The following FAM151B variants were observed in gnomAD, a reference collection of about 807,000 sequenced individuals.
FAM151B encodes the protein protein FAM151B.
FAM151B carries 24 observed loss-of-function variants against 31.2 expected under a neutral mutation model. That is an observed-to-expected ratio of 0.77 (90% confidence interval 0.56 to 1.08). FAM151B has a LOEUF of 1.08. Among genes scored for constraint, FAM151B ranks in the 50% least tolerant of loss-of-function variants. The pLI is 0.00. For synonymous variants in FAM151B, 105 were observed against 111.4 expected (o/e 0.94, Z 0.36); for missense variants, 293 against 328.6 (o/e 0.89, Z 0.84).
At chr5:80,499,588 G>C (rs79871521) in intron 1 of FAM151B, among the ~76,000 whole-genome samples, 2,786 of 151,986 alleles carry the variant, frequency 0.018, 46 homozygotes, top group Non-Finnish European at 0.03. Flanking sequence ...TTATATTTCT[G>C]GACCAGCATT....
At chr5:80,532,071 G>A (rs1745267111) in intron 5 of FAM151B, among the ~76,000 whole-genome samples, 1 of 152,064 alleles carries the variant, frequency 6.6e-6, no homozygotes, top group African/African-American at 2.4e-5. Flanking sequence ...AAAAGGATGA[G>A]TTCATGTCCT....
chr5:80,503,819 C>T (rs1209718256), intron 2 of FAM151B, among the ~76,000 whole-genome samples: 5 of 152,046 alleles, frequency 3.3e-5, no homozygotes, highest in Admixed American at 2.6e-4. Context: ...CAAGCTGGAG[C>T]TCCTGTGGGT....
intron 2 of FAM151B, among the ~76,000 whole-genome samples, chr5:80,508,403 G>C (rs1744060664): frequency 6.6e-6 from 1 of 151,838 alleles, no homozygotes; most frequent in African/African-American, 2.4e-5. Flanking sequence ...TGTGGATAAG[G>C]GTTCTAGTTT....
intron 4 of FAM151B, among the ~76,000 whole-genome samples, chr5:80,521,203 C>T (rs1240782672): frequency 6.8e-6 from 1 of 147,486 alleles, no homozygotes; most frequent in Admixed American, 7.0e-5. Flanking sequence ...TGGCTCACTG[C>T]ACCTTCAACC....
At chr5:80,537,133 C>T (rs962444486) in intron 5 of FAM151B, among the ~76,000 whole-genome samples, 1 of 152,196 alleles carries the variant, frequency 6.6e-6, no homozygotes, top group Non-Finnish European at 1.5e-5. Context: ...TACATCAAAA[C>T]ATCTCATGTA....
At chr5:80,492,318 A>G (rs948692536) in intron 1 of FAM151B, among the ~76,000 whole-genome samples, 8 of 152,122 alleles carry the variant, frequency 5.3e-5, no homozygotes, top group Non-Finnish European at 7.3e-5. Flanking sequence ...TAAAATTATT[A>G]TATTTATTAT....
chr5:80,513,780 A>G lies in FAM151B; in HGVS notation c.317+11A>G, dbSNP rs749638025. 16 of 1,591,186 alleles carry G rather than the reference A, an allele frequency of 1.0e-5. No homozygotes were observed. The highest frequency in any genetic ancestry group is 2.3e-5 in the South Asian group (2 of 87,126). Reference sequence around the variant, plus strand: ...GCTGGATTTCAAAAGGTATTTGTATAAACACGTTCAATTTTCTGGGAAAAA... The same window carrying G: ...GCTGGATTTCAAAAGGTATTTGTATGAACACGTTCAATTTTCTGGGAAAAA... On this transcript the variant is annotated intron_variant, in intron 3 of 5. Transcript: ENST00000282226.
chr5:80,511,018 C>T (rs1218092160), intron 2 of FAM151B: 6 of 152,068 alleles, frequency 3.9e-5, no homozygotes, highest in Non-Finnish European at 8.8e-5. Context: ...AATGGATTTC[C>T]ACATACCCAA....
chr5:80,538,692 G>A (rs1745718309), intron 5 of FAM151B, among the ~76,000 whole-genome samples: 1 of 151,036 alleles, frequency 6.6e-6, no homozygotes, highest in Admixed American at 6.6e-5. Context: ...TGCTTCCTAG[G>A]TTCAAGTGAT....
At chr5:80,516,215 T>G (rs1044604812) in intron 3 of FAM151B, among the ~76,000 whole-genome samples, 1 of 152,030 alleles carries the variant, frequency 6.6e-6, no homozygotes, top group African/African-American at 2.4e-5. Context: ...TCCCAGCTAT[T>G]CGGAAGGCTG....
chr5:80,496,802 T>TAAAAATTGC (rs1743557592), intron 1 of FAM151B, among the ~76,000 whole-genome samples: 1 of 5,040 alleles, frequency 2.0e-4, no homozygotes, highest in African/African-American at 2.5e-4. Context: ...TTGCTTAATT[T>TAAAAATTGC]TTTTTTTTTT....
chr5:80,512,584 G>A (rs769049489), intron 2 of FAM151B, among the ~76,000 whole-genome samples: 2 of 150,748 alleles, frequency 1.3e-5, no homozygotes, highest in African/African-American at 2.4e-5. Context: ...CGACCAGCCT[G>A]GGCAACATAG....
intron 3 of FAM151B, among the ~76,000 whole-genome samples, 159 bp from the exon 4 acceptor site, chr5:80,519,534 G>A (rs1744606729): frequency 6.6e-6 from 1 of 152,140 alleles, no homozygotes; most frequent in African/African-American, 2.4e-5. Context: ...GCATATGTTA[G>A]CTTTTCCCTC....
chr5:80,500,269 TAGGTTAGAGC>T, intron 1 of FAM151B: 1 of 624,218 alleles, frequency 1.6e-6, no homozygotes, highest in Non-Finnish European at 2.9e-6. Flanking sequence ...TGGGGAGATG[TAGGTTAGAGC>T]ATACAGAACA....
chr5:80,536,164 T>TAG (rs1331981032), intron 5 of FAM151B, among the ~76,000 whole-genome samples: 7 of 151,628 alleles, frequency 4.6e-5, no homozygotes, highest in African/African-American at 1.7e-4. Flanking sequence ...TAGTTTAGTT[T>TAG]TGTTTTGTTT....
intron 5 of FAM151B, among the ~76,000 whole-genome samples, chr5:80,533,749 C>CAACAAAA (rs1745356308): frequency 1.5e-5 from 1 of 67,548 alleles, no homozygotes; most frequent in Non-Finnish European, 2.7e-5. Flanking sequence ...GACTCCATCT[C>CAACAAAA]AAAAAAAAAA....
At chr5:80,518,300 A>G (rs1744556082) in intron 3 of FAM151B, among the ~76,000 whole-genome samples, 1 of 152,162 alleles carries the variant, frequency 6.6e-6, no homozygotes, top group African/African-American at 2.4e-5. Context: ...TGCATGGATT[A>G]GTTCAAGGTT....
rs776546918 is a variant in FAM151B at position 80,519,762 on chromosome 5, G to A, written c.387G>A (p.Trp129Ter). ...AGAGGCATCTGAAGCGTCCTGTATGGATTAATGCCGATATTCTTCCTGGTC... is the reference window on the plus strand; with the variant it reads ...AGAGGCATCTGAAGCGTCCTGTATGAATTAATGCCGATATTCTTCCTGGTC... ...NVKRHLKRPV[W>*]INADILPGPN... Residue 129 changes from tryptophan to a stop codon, truncating the protein, a stop_gained, in exon 4 of 6, where the codon TGG (tryptophan) becomes TGA (stop). Transcript: ENST00000282226. LOFTEE classifies it high-confidence loss of function. The A allele has an allele frequency of 2.8e-5, 45 of 1,614,008 alleles. No individual in the cohort carries two copies. The highest frequency in any genetic ancestry group is 1.6e-4 in the Middle Eastern group (1 of 6,082).
intron 5 of FAM151B, among the ~76,000 whole-genome samples, chr5:80,538,444 CTT>C (rs1200727807): frequency 0.047 from 2,556 of 53,974 alleles, 46 homozygotes; most frequent in East Asian, 0.067. Flanking sequence ...TTCTTTCTTT[CTT>C]TCTCTTTCTT....
Sources: allele counts gnomAD v4.1 joint callset (sites outside exome capture counted in the v4.1 genomes callset), GRCh38; gene constraint gnomAD v4.1.1; transcripts MANE v1.5; gene names NCBI Gene and HGNC (gene_info 2026-07-23, HGNC 2026-07-21).